Variants in SLC9A9 observed in about 807,000 individuals in gnomAD.
SLC9A9 encodes solute carrier family 9 member A9.
A neutral mutation model predicts 77.8 loss-of-function variants in SLC9A9; 62 were observed. The observed-to-expected ratio is 0.80, with a 90% confidence interval of 0.65 to 0.98. SLC9A9 has a LOEUF of 0.98. Among genes scored for constraint, SLC9A9 ranks in the 50% least tolerant of loss-of-function variants. The probability of loss-of-function intolerance (pLI) is 0.00; values close to 1 mark genes in which losing one functional copy is unlikely to be tolerated. For missense variants in SLC9A9, 775 were observed against 774.9 expected, an observed-to-expected ratio of 1.00 and a Z score of 0.00; for synonymous variants, 320 against 283.5, an observed-to-expected ratio of 1.13 and a Z score of -1.29.
intron 4 of SLC9A9, among the ~76,000 whole-genome samples, chr3:143,773,193 A>G (rs1022456329): frequency 1.3e-5 from 2 of 151,988 alleles, no homozygotes; most frequent in Non-Finnish European, 2.9e-5. Flanking sequence ...TTTTGGGGGG[A>G]AAAGCCCTGA....
intron 7 of SLC9A9, among the ~76,000 whole-genome samples, 166 bp downstream of exon 7, chr3:143,578,419 C>T (rs910132714): frequency 3.3e-5 from 5 of 152,136 alleles, no homozygotes; most frequent in African/African-American, 1.2e-4. Flanking sequence ...CCAACCTATG[C>T]CTCCAGGGGT....
At chr3:143,630,338 G>C (rs1223925863) in intron 6 of SLC9A9, among the ~76,000 whole-genome samples, 1 of 152,184 alleles carries the variant, frequency 6.6e-6, no homozygotes, top group Non-Finnish European at 1.5e-5. Context: ...TGTGTCTCAA[G>C]AACTGCAGAG....
chr3:143,714,516 C>T (rs188437031), intron 4 of SLC9A9, among the ~76,000 whole-genome samples: 9 of 152,326 alleles, frequency 5.9e-5, no homozygotes, highest in African/African-American at 2.2e-4. Flanking sequence ...AACAGTCTCC[C>T]TGTATCTCAC....
chr3:143,422,139 G>A (rs1363583677), intron 12 of SLC9A9, among the ~76,000 whole-genome samples: 1 of 152,154 alleles, frequency 6.6e-6, no homozygotes, highest in Admixed American at 6.6e-5. Flanking sequence ...CTCATACACT[G>A]TAGATGGGAA....
At chr3:143,843,758 G>T (rs1448579080) in intron 1 of SLC9A9, among the ~76,000 whole-genome samples, 1 of 152,190 alleles carries the variant, frequency 6.6e-6, no homozygotes, top group Non-Finnish European at 1.5e-5. Context: ...AGGGAGCAAG[G>T]AGCAAATTTC....
intron 2 of SLC9A9, among the ~76,000 whole-genome samples, chr3:143,810,449 T>C (rs1323199294): frequency 1.3e-5 from 2 of 152,200 alleles, no homozygotes; most frequent in Non-Finnish European, 2.9e-5. Context: ...TTTAAAAACA[T>C]TGTTTCATCA....
intron 6 of SLC9A9, among the ~76,000 whole-genome samples, chr3:143,621,014 AT>A (rs2038201284): frequency 6.6e-6 from 1 of 152,150 alleles, no homozygotes; most frequent in Non-Finnish European, 1.5e-5. Flanking sequence ...AGCCTCGCTC[AT>A]TGCTAGCACA....
chr3:143,572,298 T>G (rs2037274771), intron 8 of SLC9A9, among the ~76,000 whole-genome samples: 1 of 96,104 alleles, frequency 1.0e-5, no homozygotes, highest in Non-Finnish European at 2.2e-5. Flanking sequence ...TAGGCAATGG[T>G]GTGTGTGTGT....
chr3:143,526,447 C>T (rs756708769), intron 9 of SLC9A9, among the ~76,000 whole-genome samples: 3 of 152,148 alleles, frequency 2.0e-5, no homozygotes, highest in African/African-American at 4.8e-5. Context: ...TTTAATGCAA[C>T]TCCAAGCTAA....
intron 4 of SLC9A9, among the ~76,000 whole-genome samples, chr3:143,744,525 G>A (rs1009593397): frequency 1.3e-5 from 2 of 152,012 alleles, no homozygotes; most frequent in African/African-American, 2.4e-5. Context: ...CTCTCTTCAC[G>A]GCCCCATCGC....
intron 6 of SLC9A9, among the ~76,000 whole-genome samples, chr3:143,626,189 A>G (rs949692313): frequency 4.6e-5 from 7 of 152,256 alleles, no homozygotes; most frequent in African/African-American, 1.4e-4. Flanking sequence ...TAGTTCAACC[A>G]TTGTGGAAGT....
At chr3:143,686,981 GCCATTT>G (rs1454880352) in intron 5 of SLC9A9, among the ~76,000 whole-genome samples, 9 of 152,028 alleles carry the variant, frequency 5.9e-5, no homozygotes, top group African/African-American at 2.2e-4. Flanking sequence ...TCCCTGTCCT[GCCATTT>G]TCCATATACT....
intron 14 of SLC9A9, among the ~76,000 whole-genome samples, chr3:143,353,627 T>C (rs947795706): frequency 2.0e-5 from 3 of 152,124 alleles, no homozygotes; most frequent in African/African-American, 4.8e-5. Context: ...AAAAACACTT[T>C]TTTGCTCAGG....
At chr3:143,601,232 A>C (rs927942655) in intron 6 of SLC9A9, among the ~76,000 whole-genome samples, 2 of 152,208 alleles carry the variant, frequency 1.3e-5, no homozygotes, top group Non-Finnish European at 2.9e-5. Flanking sequence ...ATGCAAGTGA[A>C]TATGACATGG....
At position 143,485,304 on chromosome 3, in the gene SLC9A9, T is replaced by C. The variant is rs533742036; in HGVS notation, c.1315+8349A>G. 6.6e-5 allele frequency among the ~76,000 whole-genome samples: 10 copies of C among 152,352 alleles called. No homozygotes were observed. The South Asian group carries it at 2.1e-3, about 32-fold the overall frequency. On this transcript the variant is annotated intron_variant, in intron 11 of 15. Transcript: ENST00000316549. ...CCCCTTACTGGGAAGCTCCTCCCCT[T>C]GGCTGAAGTGATTGTCAGGAGATTT...
chr3:143,729,777 C>CGTTGT (rs1163569172), intron 4 of SLC9A9, among the ~76,000 whole-genome samples: 1 of 152,088 alleles, frequency 6.6e-6, no homozygotes, highest in African/African-American at 2.4e-5. Context: ...TCCTTATTGT[C>CGTTGT]GTTGTGTCTG....
chr3:143,670,322 C>G (rs2039137674), intron 5 of SLC9A9, among the ~76,000 whole-genome samples: 1 of 152,180 alleles, frequency 6.6e-6, no homozygotes, highest in Admixed American at 6.5e-5. Flanking sequence ...TGATGCAGTG[C>G]TGGGATCAAG....
intron 12 of SLC9A9, among the ~76,000 whole-genome samples, chr3:143,441,915 G>A (rs545360443): frequency 1.3e-5 from 2 of 149,628 alleles, no homozygotes; most frequent in Non-Finnish European, 3.0e-5. Flanking sequence ...CATCCATCCA[G>A]CCACCTACCC....
chr3:143,577,028 T>TC (rs569112711), intron 7 of SLC9A9, among the ~76,000 whole-genome samples: 24 of 152,230 alleles, frequency 1.6e-4, no homozygotes, highest in South Asian at 4.2e-4. Flanking sequence ...TCCTGATGCT[T>TC]CCCCCGCAGT....
Sources: allele counts gnomAD v4.1 joint callset (sites outside exome capture counted in the v4.1 genomes callset), GRCh38; gene constraint gnomAD v4.1.1; transcripts MANE v1.5; gene names NCBI Gene and HGNC (gene_info 2026-07-23, HGNC 2026-07-21).